AFG3L2: variants seen among roughly 807,000 people sequenced by gnomAD.
AFG3L2 encodes AFG3 like matrix AAA peptidase subunit 2, also known as mitochondrial inner membrane m-AAA protease component AFG3L2.
In AFG3L2, 54 loss-of-function variants were observed where a neutral mutation model predicts 94.5. That is an observed-to-expected ratio of 0.57 (90% confidence interval 0.46 to 0.72). AFG3L2 has a LOEUF of 0.72. Among genes scored for constraint, AFG3L2 ranks in the 30% least tolerant of loss-of-function variants. The pLI is 0.00. For synonymous variants in AFG3L2, 377 were observed against 365.5 expected (o/e 1.03, Z -0.36); for missense variants, 754 against 994.9 (o/e 0.76, Z 3.26).
At chr18:12,330,543 C>T (rs1024364022) in intron 16 of AFG3L2, among the ~76,000 whole-genome samples, 9 of 152,062 alleles carry the variant, frequency 5.9e-5, no homozygotes, top group East Asian at 1.9e-4. Context: ...TTTGGGAGGC[C>T]GAGGTGGGCG....
chr18:12,359,354 A>G (rs558712180), intron 7 of AFG3L2, among the ~76,000 whole-genome samples: 1 of 152,330 alleles, frequency 6.6e-6, no homozygotes, highest in East Asian at 1.9e-4. Flanking sequence ...AGGTCAATGC[A>G]TTGAATGTTA....
chr18:12,372,475 T>C (rs1568147631), intron 1 of AFG3L2, among the ~76,000 whole-genome samples: 1 of 152,120 alleles, frequency 6.6e-6, no homozygotes, highest in Admixed American at 6.6e-5. Context: ...GGAAAACAGT[T>C]TGACAGAGCT....
At chr18:12,366,649 C>A (rs1908816399) in intron 5 of AFG3L2, among the ~76,000 whole-genome samples, 1 of 152,056 alleles carries the variant, frequency 6.6e-6, no homozygotes, top group Non-Finnish European at 1.5e-5. Flanking sequence ...CACGACAGCA[C>A]AGAGCAGGGG....
chr18:12,332,968 TTATATATTATATAA>T (rs2143089913), intron 16 of AFG3L2, among the ~76,000 whole-genome samples: 1 of 30,862 alleles, frequency 3.2e-5, no homozygotes, highest in Admixed American at 3.8e-4. Flanking sequence ...CTATAATATA[TTATATATTATATAA>T]ATATATTATA....
At chr18:12,356,089 T>C (rs1908484644) in intron 9 of AFG3L2, among the ~76,000 whole-genome samples, 1 of 149,450 alleles carries the variant, frequency 6.7e-6, no homozygotes, top group African/African-American at 2.5e-5. Flanking sequence ...AATTGTTTGG[T>C]ATGTCAATTA....
chr18:12,345,941 T>G (rs570510421), intron 13 of AFG3L2, among the ~76,000 whole-genome samples: 9 of 152,296 alleles, frequency 5.9e-5, no homozygotes, highest in African/African-American at 2.2e-4. Context: ...CAAACCACAT[T>G]GCTCTACCAG....
chr18:12,361,411 G>A (rs574877017), intron 6 of AFG3L2, among the ~76,000 whole-genome samples: 22 of 152,274 alleles, frequency 1.4e-4, no homozygotes, highest in African/African-American at 5.1e-4. Flanking sequence ...CACTTTGGGA[G>A]GCCAAGGCGG....
rs765861972 is a variant in AFG3L2 at position 12,337,330 on chromosome 18, C to A, written c.2175+11G>T. The A allele has an allele frequency of 5.6e-6, 9 of 1,612,794 alleles. No individual in the cohort carries two copies. Among genetic ancestry groups the A allele is most frequent in the Non-Finnish European group, 7.6e-6 (9 of 1,178,912 alleles). On this transcript the variant is annotated intron_variant, in intron 16 of 16. Coordinates refer to ENST00000269143, the MANE Select transcript of AFG3L2 (RefSeq NM_006796.3). ...AAACTGTAAAGAATTATTCCCACAA[C>A]TGGCACCTACCTTCTCCACGTCAGC... is the stretch of plus-strand genomic sequence containing the variant.
chr18:12,376,011 A>T (rs1909144137), intron 1 of AFG3L2, among the ~76,000 whole-genome samples: 1 of 152,212 alleles, frequency 6.6e-6, no homozygotes, highest in Non-Finnish European at 1.5e-5. Flanking sequence ...TAAAAATCGT[A>T]GATCGGAGGG....
Position 12,347,828 on chromosome 18 carries a change from C to T in AFG3L2, c.1663+445G>A, listed in dbSNP as rs576878211. 1.6e-3 allele frequency among the ~76,000 whole-genome samples: 247 copies of T among 152,334 alleles called. 2 individuals are homozygous for T. Among genetic ancestry groups the T allele is most frequent in the South Asian group, 8.5e-3 (41 of 4,832 alleles). ...CCTCCCAAAGTGCTGGGATTACAGG[C>T]GTGAGCCACCGCACCCGGCTGTTAC... is the stretch of plus-strand genomic sequence containing the variant. On this transcript the variant is annotated intron_variant, in intron 13 of 16. Transcript: ENST00000269143.
At chr18:12,363,031 C>T (rs1568144122) in intron 6 of AFG3L2, among the ~76,000 whole-genome samples, 1 of 152,242 alleles carries the variant, frequency 6.6e-6, no homozygotes, top group Non-Finnish European at 1.5e-5. Context: ...TTCCCAAACA[C>T]AGGGCAACAC....
intron 1 of AFG3L2, among the ~76,000 whole-genome samples, chr18:12,373,139 T>C (rs2143239717): frequency 6.6e-6 from 1 of 152,232 alleles, no homozygotes; most frequent in East Asian, 1.9e-4. Context: ...ACACCAACAC[T>C]GTTTTTGTCT....
At chr18:12,340,476 T>TGTTTTG in intron 14 of AFG3L2, 75 bp from the exon 15 acceptor site, 1 of 1,198,626 alleles carries the variant, frequency 8.3e-7, no homozygotes, top group African/African-American at 1.5e-5. Context: ...TATAAACAGA[T>TGTTTTG]AAACTCATTG....
chr18:12,339,159 T>C (rs1012856598), intron 15 of AFG3L2, among the ~76,000 whole-genome samples: 1 of 135,848 alleles, frequency 7.4e-6, no homozygotes, highest in Non-Finnish European at 1.5e-5. Flanking sequence ...GAGAATGGCG[T>C]GAACCTGGCA....
chr18:12,332,550 A>G (rs1320286368), intron 16 of AFG3L2, among the ~76,000 whole-genome samples: 2 of 151,964 alleles, frequency 1.3e-5, no homozygotes, highest in Non-Finnish European at 2.9e-5. Flanking sequence ...TAGGTACAAA[A>G]GTGGAAAGAA....
In AFG3L2 at chr18:12,358,794, T is replaced by G; in HGVS notation, c.902A>C (p.Asp301Ala). Residue 301 changes from aspartate to alanine, a missense_variant, in exon 8 of 17, where the codon GAT (aspartate) becomes GCT (alanine). This residue lies in a region of AFG3L2 where 130 missense variants were observed against 175.1 expected (regional missense o/e 0.74). Coordinates refer to ENST00000269143, the MANE Select transcript of AFG3L2 (RefSeq NM_006796.3). Reference sequence around the variant, plus strand: ...ATCTTTGAACTTCACATCAATTTCATCCTTTAAGACCTTGGCAGTGGTTTC... The same window carrying G: ...ATCTTTGAACTTCACATCAATTTCAGCCTTTAAGACCTTGGCAGTGGTTTC... ...VGETTAKVLK[D>A]EIDVKFKDVA... 1.2e-6 allele frequency: 2 copies of G among 1,614,270 alleles called. No homozygotes were observed. The highest frequency in any genetic ancestry group is 1.7e-6 in the Non-Finnish European group (2 of 1,180,050).
chr18:12,328,975 ATT>A lies in AFG3L2; in HGVS notation c.*588_*589del, dbSNP rs1168480963. 1 of 575,036 alleles carries A rather than the reference ATT, an allele frequency of 1.7e-6. No individual in the cohort carries two copies. The highest frequency in any genetic ancestry group is 1.9e-5 in the African/African-American group (1 of 53,696). 35.6% of individuals were successfully genotyped at this position (575,036 alleles called of 1,614,324 possible). The stretch of plus-strand genomic sequence containing the variant: ...CAGAAAAGTACAGTGTTGACATTTT[ATT>A]TTTTATGTAAAGAAGCCATATTTAC... On this transcript the variant is annotated 3_prime_UTR_variant, in exon 17 of 17. Coordinates refer to ENST00000269143, the MANE Select transcript of AFG3L2 (RefSeq NM_006796.3).
Position 12,370,847 on chromosome 18 carries a change from A to G in AFG3L2, c.292+2T>C, listed in dbSNP as rs779805236. On this transcript the variant is annotated splice_donor_variant, in intron 3 of 16. Transcript: ENST00000269143. LOFTEE classifies it high-confidence loss of function. ...TTCAAATATAATATTGTCAAAAGGT[A>G]CCTTTTTTCTCTCCCATAACTTCTT... 8.6e-5 allele frequency: 135 copies of G among 1,564,668 alleles called. No homozygotes were observed. The highest frequency in any genetic ancestry group is 1.1e-4 in the Non-Finnish European group (128 of 1,137,834).
Position 12,367,360 on chromosome 18 carries a change from T to C in AFG3L2, c.315A>G (p.Thr105=). 1 of 1,614,182 alleles carries C rather than the reference T, an allele frequency of 6.2e-7. No individual in the cohort carries two copies. The highest frequency in any genetic ancestry group is 1.1e-5 in the South Asian group (1 of 91,084). ...CACCACCTCCTCCTCCAGAAGAGCG[T>C]GTGGTAGCAGCTGGCTTTGATTCTG... ...EKKESKPAAT[T]RSSGGGGGGG... Residue 105 remains threonine, a synonymous_variant, in exon 4 of 17, where the codon ACA becomes ACG. Transcript: ENST00000269143.
Sources: allele counts gnomAD v4.1 joint callset (sites outside exome capture counted in the v4.1 genomes callset), GRCh38; gene constraint gnomAD v4.1.1; regional missense constraint gnomAD v4.1.1; transcripts MANE v1.5; gene names NCBI Gene and HGNC (gene_info 2026-07-23, HGNC 2026-07-21).